Variants in WDR75 observed in about 807,000 individuals in gnomAD.
WDR75 encodes the protein WD repeat domain 75.
Under a neutral mutation model 106.1 loss-of-function variants are expected in WDR75, and 52 were observed. The ratio of observed to expected loss-of-function variants is 0.49; its 90% CI spans 0.39 to 0.62. The LOEUF (loss-of-function observed/expected upper bound fraction) is 0.62. WDR75 is among the 20% of genes least tolerant of loss of function. WDR75 has a pLI of 0.00. For synonymous variants in WDR75, 333 were observed against 335.5 expected, an observed-to-expected ratio of 0.99 and a Z score of 0.08; for missense variants, 905 against 970.3, an observed-to-expected ratio of 0.93 and a Z score of 0.89.
intron 8 of WDR75, 85 bp from the exon 9 acceptor site, chr2:189,462,399 G>A: frequency 6.7e-7 from 1 of 1,490,604 alleles, no homozygotes; most frequent in Non-Finnish European, 9.1e-7. Context: ...TAGTACGGTA[G>A]CAAAAACAAA....
At chr2:189,451,489 C>T (rs1280855315) in intron 3 of WDR75, among the ~76,000 whole-genome samples, 3 of 152,172 alleles carry the variant, frequency 2.0e-5, no homozygotes, top group African/African-American at 7.2e-5. Flanking sequence ...CGTTTTGCTA[C>T]AGCAGTCTCA....
In WDR75 at chr2:189,464,424, A is replaced by G. The variant is rs148967747; in HGVS notation, c.1113+463A>G. Among the ~76,000 whole-genome samples the G allele has an allele frequency of 2.4e-4, 37 of 151,984 alleles. No individual in the cohort carries two copies. The East Asian group carries it at 7.1e-3, about 29-fold the overall frequency. On this transcript the variant is annotated intron_variant, in intron 11 of 20. Transcript: ENST00000314761. Reference sequence around the variant, plus strand: ...TCCCACTTTTCTTGTTCCCCACAGTACTCTTTACAGATCTCTGTCATAGCA... The same window carrying G: ...TCCCACTTTTCTTGTTCCCCACAGTGCTCTTTACAGATCTCTGTCATAGCA...
rs796982639 is a variant in WDR75 at position 189,470,377 on chromosome 2, A to G, written c.1989+132A>G. The stretch of plus-strand genomic sequence containing the variant: ...AGGATTATTTCCCAAAAAATTGTCT[A>G]ATATGCTCAGTACAGCAGCATTATT... On this transcript the variant is annotated intron_variant, in intron 17 of 20. Coordinates refer to ENST00000314761, the MANE Select transcript of WDR75 (RefSeq NM_032168.3). 25 of 968,516 alleles carry G rather than the reference A, an allele frequency of 2.6e-5. No individual in the cohort carries two copies. In the East Asian group the frequency reaches 3.0e-4, roughly 12 times the overall value. 60.0% of individuals were successfully genotyped at this position (968,516 alleles called of 1,614,324 possible).
chr2:189,448,717 GAGA>G (rs1418848537), intron 2 of WDR75: 6 of 677,026 alleles, frequency 8.9e-6, no homozygotes, highest in Non-Finnish European at 1.6e-5. Context: ...GGTATTACCT[GAGA>G]AGGATATTCT....
At chr2:189,441,666 A>G in intron 1 of WDR75, 88 bp downstream of exon 1, 2 of 1,435,150 alleles carry the variant, frequency 1.4e-6, no homozygotes, top group Admixed American at 3.9e-5. Flanking sequence ...TCGCGTTCGG[A>G]CTCGCCCGCC....
intron 4 of WDR75, among the ~76,000 whole-genome samples, chr2:189,452,435 A>G (rs1326534970): frequency 6.6e-6 from 1 of 151,846 alleles, no homozygotes; most frequent in Non-Finnish European, 1.5e-5. Flanking sequence ...GGTGGCAGGC[A>G]CCTGTAGTCC....
At chr2:189,450,068 C>T in intron 2 of WDR75, 1 of 975,164 alleles carries the variant, frequency 1.0e-6, no homozygotes, top group Non-Finnish European at 1.2e-6. Flanking sequence ...GACCAGTGTC[C>T]TAAACCATTA....
chr2:189,448,436 G>A lies in WDR75; in HGVS notation c.144G>A (p.Glu48=), dbSNP rs757492021. ...AAGTTTACAGCACAGTTACAGAAGAGTGTGTACACATACTGCATGGACACA... is the reference window on the plus strand; with the variant it reads ...AAGTTTACAGCACAGTTACAGAAGAATGTGTACACATACTGCATGGACACA... ...FVKVYSTVTE[E]CVHILHGHRN... is the part of the protein sequence containing the mutation. The change falls in exon 2 of 21, where the codon GAG becomes GAA. Residue 48 remains glutamate (E), a synonymous_variant. Transcript: ENST00000314761. 5 of 1,613,868 alleles carry A rather than the reference G, an allele frequency of 3.1e-6. No homozygotes were observed. In the East Asian group the frequency reaches 1.1e-4, roughly 36 times the overall value.
At chr2:189,453,525 G>A (rs1686669552) in intron 4 of WDR75, among the ~76,000 whole-genome samples, 1 of 152,182 alleles carries the variant, frequency 6.6e-6, no homozygotes, top group Non-Finnish European at 1.5e-5. Context: ...CTAGTTTACT[G>A]AAAAATTTCT....
intron 1 of WDR75, 40 bp downstream of exon 1, chr2:189,441,618 C>A (rs1055297431): frequency 1.3e-6 from 2 of 1,543,824 alleles, no homozygotes; most frequent in Non-Finnish European, 1.8e-6. Flanking sequence ...AGGGGCGGGG[C>A]GTGAGTTTCT....
intron 9 of WDR75, among the ~76,000 whole-genome samples, chr2:189,463,110 C>T (rs922889079): frequency 6.6e-6 from 1 of 152,178 alleles, no homozygotes; most frequent in African/African-American, 2.4e-5. Flanking sequence ...GACTACTCAG[C>T]CTAGACTAGG....
At chr2:189,463,020 G>T (rs1686930800) in intron 9 of WDR75, among the ~76,000 whole-genome samples, 1 of 152,122 alleles carries the variant, frequency 6.6e-6, no homozygotes, top group African/African-American at 2.4e-5. Flanking sequence ...TGATACAGCT[G>T]TTACCTGGGG....
At chr2:189,448,927 G>A (rs1686559231) in intron 2 of WDR75, 4 of 467,166 alleles carry the variant, frequency 8.6e-6, no homozygotes, top group South Asian at 6.3e-5. Flanking sequence ...AGGAGGTATT[G>A]ATTTGGTAGA....
At chr2:189,452,719 A>G (rs1271817752) in intron 4 of WDR75, among the ~76,000 whole-genome samples, 1 of 152,220 alleles carries the variant, frequency 6.6e-6, no homozygotes, top group African/African-American at 2.4e-5. Context: ...ATTGTCCCTT[A>G]CCATAGAGTT....
chr2:189,465,386 C>T (rs1161418446), intron 12 of WDR75, 132 bp downstream of exon 12: 7 of 916,152 alleles, frequency 7.6e-6, no homozygotes, highest in Non-Finnish European at 1.1e-5. Flanking sequence ...AGGTTTTATT[C>T]TAATAAAACC....
At chr2:189,471,650 C>T (rs1385400754) in intron 18 of WDR75, among the ~76,000 whole-genome samples, 1 of 152,170 alleles carries the variant, frequency 6.6e-6, no homozygotes, top group Non-Finnish European at 1.5e-5. Context: ...GGATTATTTC[C>T]AAGAGCCTTC....
intron 7 of WDR75, 67 bp from the exon 8 acceptor site, chr2:189,459,269 T>G: frequency 8.7e-7 from 1 of 1,150,222 alleles, no homozygotes; most frequent in Non-Finnish European, 1.3e-6. Flanking sequence ...TTTATTGTAT[T>G]TGGCATGCCA....
intron 2 of WDR75, 181 bp from the exon 3 acceptor site, chr2:189,450,722 C>CTT: frequency 7.1e-7 from 1 of 1,401,320 alleles, no homozygotes; most frequent in Non-Finnish European, 9.2e-7. Flanking sequence ...GGATCTGCTT[C>CTT]TTGCAGAAAG....
Position 189,475,522 on chromosome 2 carries a change from A to G in WDR75, c.*105A>G. On this transcript the variant is annotated 3_prime_UTR_variant, in exon 21 of 21. Coordinates refer to ENST00000314761, the MANE Select transcript of WDR75 (RefSeq NM_032168.3). ...ATTTCTGTTCTAAAAATAAGATAAT[A>G]AATATTAACAAACTTTGCTTTTTTA... The G allele has an allele frequency of 1.4e-6, 1 of 734,578 alleles. No homozygotes were observed. Among genetic ancestry groups the G allele is most frequent in the Non-Finnish European group, 2.1e-6 (1 of 480,662 alleles). 45.5% of individuals were successfully genotyped at this position (734,578 alleles called of 1,614,324 possible). A position where few individuals can be genotyped will look rare whatever the true frequency, so the allele number is the denominator to read the frequency against.
Sources: allele counts gnomAD v4.1 joint callset (sites outside exome capture counted in the v4.1 genomes callset), GRCh38; gene constraint gnomAD v4.1.1; transcripts MANE v1.5; gene names NCBI Gene and HGNC (gene_info 2026-07-23, HGNC 2026-07-21).